PCDHA5: variants seen among roughly 807,000 people sequenced by gnomAD.
PCDHA5 encodes protocadherin alpha-5.
PCDHA5 carries 43 observed loss-of-function variants against 61.6 expected under a neutral mutation model. The observed-to-expected ratio is 0.70, with a 90% CI of 0.55 to 0.90. The LOEUF is 0.90. Among genes scored for constraint, PCDHA5 ranks in the 40% least tolerant of loss-of-function variants. PCDHA5 has a pLI of 0.00. For missense variants in PCDHA5, 1,298 were observed against 1,222.7 expected (o/e 1.06, Z -0.92); for synonymous variants, 627 against 543.9 (o/e 1.15, Z -2.13).
intron 1 of PCDHA5, among the ~76,000 whole-genome samples, chr5:140,977,305 AC>A (rs1424604910): frequency 6.6e-6 from 1 of 152,258 alleles, no homozygotes; most frequent in African/African-American, 2.4e-5. Flanking sequence ...TGACAAGCTA[AC>A]GATAGTGCTC....
chr5:140,954,057 A>C (rs1554221238), intron 1 of PCDHA5, among the ~76,000 whole-genome samples: 1 of 152,112 alleles, frequency 6.6e-6, no homozygotes, highest in Admixed American at 6.5e-5. Flanking sequence ...TTCCTGCATT[A>C]TTATGCTGAG....
At chr5:140,848,664 G>A (rs1470524559) in intron 1 of PCDHA5, 6 of 1,592,252 alleles carry the variant, frequency 3.8e-6, no homozygotes, top group Non-Finnish European at 4.3e-6. Context: ...GCTGGAGCTG[G>A]CGGAGCTGGT....
At chr5:140,915,716 C>T (rs2077274657) in intron 1 of PCDHA5, among the ~76,000 whole-genome samples, 1 of 152,024 alleles carries the variant, frequency 6.6e-6, no homozygotes, top group East Asian at 1.9e-4. Context: ...GTGGCCCCCA[C>T]TTTGGATTGT....
Position 140,982,561 on chromosome 5 carries a change from C to T in PCDHA5, c.2498C>T (p.Pro833Leu), listed in dbSNP as rs560422677. 11 of 1,614,060 alleles carry T rather than the reference C, an allele frequency of 6.8e-6. No individual in the cohort carries two copies. Among genetic ancestry groups the T allele is most frequent in the Non-Finnish European group, 9.3e-6 (11 of 1,179,970 alleles). Residue 833 changes from proline to leucine, a missense_variant and splice_region_variant, in exon 3 of 4, where the codon CCA becomes CTA. Pro to Leu is a moderately conservative substitution (Grantham distance 98). Coordinates refer to ENST00000529859, the MANE Select transcript of PCDHA5 (RefSeq NM_018908.3). Reference protein sequence around the residue: ...QQWPTVSSATPEPEAGEVSPP... With the variant: ...QQWPTVSSATLEPEAGEVSPP... ...TGGCCAACAGTATCCAGTGCAACAC[C>T]AGGTAAAGAGCTGGGGTCTCTCCAT...
At position 140,822,474 on chromosome 5, in the gene PCDHA5, T is replaced by A; in HGVS notation, c.699T>A (p.Asp233Glu). 2 of 1,613,832 alleles carry A rather than the reference T, an allele frequency of 1.2e-6. No homozygotes were observed. Among genetic ancestry groups the A allele is most frequent in the South Asian group, 2.2e-5 (2 of 91,074 alleles). Reference protein sequence around the residue: ...GTVQLLINVLDANDNAPEFDK... With the variant: ...GTVQLLINVLEANDNAPEFDK... ...TTCAGTTGTTGATCAATGTATTGGATGCTAATGATAACGCCCCAGAATTTG... is the reference window on the plus strand; with the variant it reads ...TTCAGTTGTTGATCAATGTATTGGAAGCTAATGATAACGCCCCAGAATTTG... The change falls in exon 1 of 4, where the codon GAT (aspartate) becomes GAA (glutamate). Residue 233 changes from aspartate (D) to glutamate (E), a missense_variant. Asp to Glu is a conservative substitution (Grantham distance 45, BLOSUM62 2). Transcript: ENST00000529859.
At chr5:140,893,011 T>C (rs1194599055) in intron 1 of PCDHA5, among the ~76,000 whole-genome samples, 1 of 152,234 alleles carries the variant, frequency 6.6e-6, no homozygotes, top group Non-Finnish European at 1.5e-5. Flanking sequence ...TATTTTTCTG[T>C]GCCTGACTTA....
Position 140,942,409 on chromosome 5 carries a change from T to TA in PCDHA5, c.2353-36528dup, listed in dbSNP as rs78736997. On this transcript the variant is annotated intron_variant, in intron 1 of 3. Coordinates refer to ENST00000529859, the MANE Select transcript of PCDHA5 (RefSeq NM_018908.3). Reference sequence around the variant, plus strand: ...CCTGGGCGACAGATGAGACTCTGTTTAAAAAAAAAAAAGATATCTAACAAT... The same window carrying TA: ...CCTGGGCGACAGATGAGACTCTGTTTAAAAAAAAAAAAAGATATCTAACAAT... Among the ~76,000 whole-genome samples, 1,256 of 143,596 alleles carry TA rather than the reference T, an allele frequency of 8.7e-3. 8 individuals are homozygous for TA. Among genetic ancestry groups the TA allele is most frequent in the African/African-American group, 0.03 (1,168 of 39,342 alleles). 94.2% of individuals were successfully genotyped at this position (143,596 alleles called of 152,430 possible).
intron 1 of PCDHA5, among the ~76,000 whole-genome samples, chr5:140,954,491 T>C (rs1554221443): frequency 6.6e-6 from 1 of 152,264 alleles, no homozygotes; most frequent in Non-Finnish European, 1.5e-5. Flanking sequence ...TATTTCATTG[T>C]GGTTTTGATT....
chr5:140,842,603 C>A (rs2150340320), intron 1 of PCDHA5: 3 of 1,548,222 alleles, frequency 1.9e-6, no homozygotes, highest in Non-Finnish European at 2.6e-6. Context: ...GGTAACCGCG[C>A]GGGACGGGGG....
intron 1 of PCDHA5, among the ~76,000 whole-genome samples, chr5:140,941,194 T>TCTTTCTTC (rs781885331): frequency 0.027 from 3,012 of 112,124 alleles, 85 homozygotes; most frequent in African/African-American, 0.068. Flanking sequence ...TCTTTTTTTT[T>TCTTTCTTC]CTTTCTTCCT....
intron 1 of PCDHA5, among the ~76,000 whole-genome samples, chr5:140,887,455 A>T (rs1334702818): frequency 6.6e-6 from 1 of 152,134 alleles, no homozygotes; most frequent in Non-Finnish European, 1.5e-5. Flanking sequence ...ACAGTTTTTT[A>T]AAAGATATAA....
chr5:140,920,530 G>T (rs2079676121), intron 1 of PCDHA5, among the ~76,000 whole-genome samples: 1 of 152,148 alleles, frequency 6.6e-6, no homozygotes, highest in African/African-American at 2.4e-5. Context: ...GTTAGACTCA[G>T]GTTTTCTATT....
At chr5:140,974,335 G>T (rs1481372488) in intron 1 of PCDHA5, among the ~76,000 whole-genome samples, 2 of 152,158 alleles carry the variant, frequency 1.3e-5, no homozygotes, top group African/African-American at 4.8e-5. Context: ...GTGCTAGCAG[G>T]CTATGCATCC....
In PCDHA5 at chr5:140,823,639, C is replaced by T. The variant is rs1207505503; in HGVS notation, c.1864C>T (p.Arg622Cys). The change falls in exon 1 of 4, where the codon CGC becomes TGC. Residue 622 changes from arginine to cysteine, a missense_variant. Coordinates refer to ENST00000529859, the MANE Select transcript of PCDHA5 (RefSeq NM_018908.3). ...PAPGSARIPF[R>C]VGLYTGEIST... Reference sequence around the variant, plus strand: ...GCCTGGCAGTGCGCGCATCCCGTTCCGCGTGGGGCTGTACACAGGCGAGAT... The same window carrying T: ...GCCTGGCAGTGCGCGCATCCCGTTCTGCGTGGGGCTGTACACAGGCGAGAT... 6 of 1,613,894 alleles carry T rather than the reference C, an allele frequency of 3.7e-6. No individual in the cohort carries two copies. In the Admixed American group the frequency reaches 8.3e-5, roughly 22 times the overall value.
Position 140,850,388 on chromosome 5 carries a change from C to G in PCDHA5, c.2352+26261C>G. On this transcript the variant is annotated intron_variant, in intron 1 of 3. Coordinates refer to ENST00000529859, the MANE Select transcript of PCDHA5 (RefSeq NM_018908.3). Reference sequence around the variant, plus strand: ...GCGTGGGGCTGTACACGGGCGAGATCAGCACAACGCGTGCCCTGGACGAAA... The same window carrying G: ...GCGTGGGGCTGTACACGGGCGAGATGAGCACAACGCGTGCCCTGGACGAAA... 1.9e-6 allele frequency: 3 copies of G among 1,597,966 alleles called. No individual in the cohort carries two copies. In the African/African-American group the frequency reaches 4.0e-5, roughly 21 times the overall value.
intron 1 of PCDHA5, chr5:140,849,218 G>T: frequency 9.6e-7 from 1 of 1,040,734 alleles, no homozygotes; most frequent in South Asian, 1.6e-5. Context: ...ATGCCCCAGT[G>T]TTCGACAGAA....
chr5:141,002,923 C>T (rs1261794185), intron 3 of PCDHA5, among the ~76,000 whole-genome samples: 6 of 152,220 alleles, frequency 3.9e-5, no homozygotes, highest in African/African-American at 1.2e-4. Flanking sequence ...AAAGTGAACA[C>T]CCTCCAACAC....
At chr5:140,849,659 C>T in intron 1 of PCDHA5, 4 of 1,598,722 alleles carry the variant, frequency 2.5e-6, no homozygotes, top group Non-Finnish European at 3.4e-6. Flanking sequence ...TTACCTGCTC[C>T]CTGACGCCCC....
chr5:140,883,083 G>A (rs267600402), intron 1 of PCDHA5: 8 of 1,614,082 alleles, frequency 5.0e-6, no homozygotes, highest in Non-Finnish European at 6.8e-6. Flanking sequence ...CCTGATGATG[G>A]TACAAATGGA....
Sources: gnomAD v4.1 joint callset for allele counts (sites outside exome capture counted in the v4.1 genomes callset) on GRCh38, gnomAD v4.1.1 for gene constraint, MANE v1.5 for transcripts, NCBI Gene and HGNC (gene_info 2026-07-23, HGNC 2026-07-21) for gene names.